The following FBXO41 variants were observed in gnomAD, a reference collection of about 807,000 sequenced individuals.
The protein encoded by FBXO41 is F-box protein 41.
A neutral mutation model predicts 81.6 loss-of-function variants in FBXO41; 33 were observed. The observed-to-expected ratio is 0.40, with a 90% CI of 0.31 to 0.54. FBXO41 has a LOEUF of 0.54. FBXO41 is among the 20% of genes least tolerant of loss of function. The probability of loss-of-function intolerance (pLI) is 0.39; values close to 1 mark genes in which losing one functional copy is unlikely to be tolerated. For synonymous variants in FBXO41, 576 were observed against 552.7 expected (o/e 1.04, Z -0.59); for missense variants, 1,107 against 1,236.0 (o/e 0.90, Z 1.56).
rs1687746922 is a variant in FBXO41, at chr2:73,254,840, T to A, written c.*4142A>T. The A allele has an allele frequency of 6.6e-6, 1 of 152,600 alleles. No individual in the cohort carries two copies. The highest frequency in any genetic ancestry group is 2.1e-4 in the South Asian group (1 of 4,830). The allele number at this position is 152,600 out of a possible 1,614,324, so 9.5% of individuals were successfully genotyped here. ...AAGTGCTGGGATGGCGATGCCTGGG[T>A]GGGGCAGAGAAGTGTGGCCAGGGAA... is the stretch of plus-strand genomic sequence containing the variant. On this transcript the variant is annotated 3_prime_UTR_variant, in exon 13 of 13. Coordinates refer to ENST00000520530, the MANE Select transcript of FBXO41 (RefSeq NM_001371389.2).
chr2:73,282,367 G>A (rs548092441), intron 1 of FBXO41, among the ~76,000 whole-genome samples: 3 of 152,296 alleles, frequency 2.0e-5, no homozygotes, highest in South Asian at 2.1e-4. Context: ...GGAATTCAAA[G>A]GCAGGATGGT....
At position 73,257,563 on chromosome 2, in the gene FBXO41, G is replaced by A. The variant is rs1203308098; in HGVS notation, c.*1419C>T. The A allele has an allele frequency of 2.6e-5, 4 of 152,198 alleles. No individual in the cohort carries two copies. The highest frequency in any genetic ancestry group is 5.9e-5 in the Non-Finnish European group (4 of 68,040). 9.4% of individuals were successfully genotyped at this position (152,198 alleles called of 1,614,324 possible). A position where few individuals can be genotyped will look rare whatever the true frequency, so the allele number is the denominator to read the frequency against. On this transcript the variant is annotated 3_prime_UTR_variant, in exon 13 of 13. Transcript: ENST00000520530. The surrounding 1 kb of genome is among the most constrained non-coding windows in gnomAD (Gnocchi z 4.6). ...TAGGGCTGGGAGCTGATCCTATCTA[G>A]GAGAGAAAGAAACCCTAAGATAGAT...
rs200871330 is a variant in FBXO41 at position 73,265,458 on chromosome 2, C to T, written c.1388G>A (p.Arg463Gln). 163 of 1,605,784 alleles carry T rather than the reference C, an allele frequency of 1.0e-4. No homozygotes were observed. The highest frequency in any genetic ancestry group is 8.3e-4 in the Middle Eastern group (5 of 6,048). Reference protein sequence around the residue: ...RSQPPRSSGLRRQAIQNWQRR... With the variant: ...RSQPPRSSGLQRQAIQNWQRR... ...CTGCCAGTTCTGGATGGCCTGGCGC[C>T]GCAGGCCTGAGCTGCGAGGGGGCTG... The change falls in exon 5 of 13, where the codon CGG becomes CAG. Residue 463 changes from arginine (R) to glutamine (Q), a missense_variant. Around this residue, in one of 2 missense-constraint regions of FBXO41, gnomAD observed 771 missense variants for 789.2 expected, o/e 0.98. Coordinates refer to ENST00000520530, the MANE Select transcript of FBXO41 (RefSeq NM_001371389.2).
In FBXO41 at chr2:73,266,697, G is replaced by A. The variant is rs1205643186; in HGVS notation, c.906-15C>T. 6.4e-7 allele frequency: 1 copy of A among 1,552,566 alleles called. No homozygotes were observed. The highest frequency in any genetic ancestry group is 8.7e-7 in the Non-Finnish European group (1 of 1,148,398). The stretch of plus-strand genomic sequence containing the variant: ...GCACCACCTCCCTGGGCCCAGAGCA[G>A]TCTCTTACCCCAGAGCCTCAGCCTG... On this transcript the variant is annotated splice_polypyrimidine_tract_variant and intron_variant, in intron 2 of 12. Transcript: ENST00000520530. The surrounding 1 kb of genome is among the most constrained non-coding windows in gnomAD (Gnocchi z 5.3).
chr2:73,269,267 G>A lies in FBXO41; in HGVS notation c.364C>T (p.Leu122=). 4 of 1,531,182 alleles carry A rather than the reference G, an allele frequency of 2.6e-6. 1 individual carries two copies. In the South Asian group the frequency reaches 4.8e-5, roughly 18 times the overall value. 94.8% of individuals were successfully genotyped at this position (1,531,182 alleles called of 1,614,324 possible). ...TCACAGGGCAGGCTAGCGGGCACCA[G>A]GTCGCCGGGGAAGTGGGCGAGGGGA... is the stretch of plus-strand genomic sequence containing the variant. ...HAPLAHFPGD[L]VPASLPCEEL... Residue 122 remains leucine (L), a synonymous_variant, in exon 2 of 13, where the codon CTG becomes TTG. Coordinates refer to ENST00000520530, the MANE Select transcript of FBXO41 (RefSeq NM_001371389.2). This position sits in a 1 kb window ranked among gnomAD's most constrained non-coding sequence, Gnocchi z 7.0.
Position 73,259,047 on chromosome 2 carries a change from G to A in FBXO41, c.2566-3C>T. 1 of 1,603,910 alleles carries A rather than the reference G, an allele frequency of 6.2e-7. No homozygotes were observed. ...AAGCCGGGCCTCCGTCGCAGAGCCT[G>A]CGGACCGAACCCTGGGTTAGTTCTC... On this transcript the variant is annotated splice_polypyrimidine_tract_variant and splice_region_variant and intron_variant, in intron 12 of 12. Transcript: ENST00000520530. The surrounding 1 kb of genome is among the most constrained non-coding windows in gnomAD (Gnocchi z 4.2).
chr2:73,272,916 G>T (rs1688583085), intron 1 of FBXO41: 1 of 152,158 alleles, frequency 6.6e-6, no homozygotes, highest in Admixed American at 6.5e-5. Flanking sequence ...CCCTATGGTT[G>T]CCCTGAACCT....
rs1243582663 is a variant in FBXO41 at position 73,269,187 on chromosome 2, G to C, written c.444C>G (p.Arg148=). ...GCTCCCCCAGCGGGATCTCGATCTC[G>C]CGCAGCGCATAGCGCGCTGCTGCGG... The part of the protein sequence containing the change: ...VPAAAARYAL[R]EIEIPLGELF... Residue 148 remains arginine, a synonymous_variant, in exon 2 of 13, where the codon CGC becomes CGG. Transcript: ENST00000520530. The surrounding 1 kb of genome is among the most constrained non-coding windows in gnomAD (Gnocchi z 7.0). 6.5e-7 allele frequency: 1 copy of C among 1,528,548 alleles called. No homozygotes were observed. The highest frequency in any genetic ancestry group is 2.0e-5 in the Admixed American group (1 of 49,682). 94.7% of individuals were successfully genotyped at this position (1,528,548 alleles called of 1,614,324 possible). A position where few individuals can be genotyped will look rare whatever the true frequency, so the allele number is the denominator to read the frequency against.
chr2:73,268,410 A>AG (rs1336276066), intron 2 of FBXO41, among the ~76,000 whole-genome samples: 1 of 152,032 alleles, frequency 6.6e-6, no homozygotes, highest in Non-Finnish European at 1.5e-5. Context: ...GGAAAAGGAG[A>AG]GGGGAGAGTT....
intron 9 of FBXO41, among the ~76,000 whole-genome samples, chr2:73,262,578 G>A (rs934064341): frequency 3.3e-5 from 5 of 152,194 alleles, no homozygotes; most frequent in African/African-American, 1.2e-4. Flanking sequence ...GACCCTGCAG[G>A]CTTTGTGTAC....
At chr2:73,263,482 A>G (rs1256193219) in intron 8 of FBXO41, among the ~76,000 whole-genome samples, 174 bp from the exon 9 acceptor site, 1 of 152,114 alleles carries the variant, frequency 6.6e-6, no homozygotes, top group Non-Finnish European at 1.5e-5. Flanking sequence ...AAAGAAAGAA[A>G]AAGAAAATAT....
In FBXO41 at chr2:73,269,579, G is replaced by C. The variant is rs1688420990; in HGVS notation, c.52C>G (p.Arg18Gly). The change falls in exon 2 of 13, where the codon CGC (arginine) becomes GGC (glycine). Residue 18 changes from arginine to glycine, a missense_variant. Arg to Gly is a moderately radical substitution (Grantham distance 125, BLOSUM62 -2). Coordinates refer to ENST00000520530, the MANE Select transcript of FBXO41 (RefSeq NM_001371389.2). The surrounding 1 kb of genome is among the most constrained non-coding windows in gnomAD (Gnocchi z 7.0). ...YRCPRCGEHK[R>G]FRSLSSLRAH... is the part of the protein sequence containing the mutation. ...CGCAGCGACGACAGGCTCCGGAAGCGCTTGTGCTCCCCGCAGCGGGGGCAG... is the reference window on the plus strand; with the variant it reads ...CGCAGCGACGACAGGCTCCGGAAGCCCTTGTGCTCCCCGCAGCGGGGGCAG... The C allele has an allele frequency of 7.5e-7, 1 of 1,334,826 alleles. No individual in the cohort carries two copies. Among genetic ancestry groups the C allele is most frequent in the South Asian group, 1.6e-5 (1 of 63,254 alleles). 82.7% of individuals were successfully genotyped at this position (1,334,826 alleles called of 1,614,324 possible). A position where few individuals can be genotyped will look rare whatever the true frequency, so the allele number is the denominator to read the frequency against.
In FBXO41 at chr2:73,254,789, G is replaced by A. The variant is rs1365682149; in HGVS notation, c.*4193C>T. On this transcript the variant is annotated 3_prime_UTR_variant, in exon 13 of 13. Transcript: ENST00000520530. ...CATACACTCAGGTACATTCAGCAAA[G>A]GGCATCTTACGGGTGACATGGAGCA... 6.6e-6 allele frequency: 1 copy of A among 152,662 alleles called. No individual in the cohort carries two copies. 9.5% of individuals were successfully genotyped at this position (152,662 alleles called of 1,614,324 possible).
intron 1 of FBXO41, among the ~76,000 whole-genome samples, chr2:73,274,893 T>C (rs1688643059): frequency 6.6e-6 from 1 of 151,532 alleles, no homozygotes; most frequent in African/African-American, 2.4e-5. Flanking sequence ...TTTCTTTTTT[T>C]TTTTGGAAAC....
Position 73,256,558 on chromosome 2 carries a change from A to T in FBXO41, c.*2424T>A, listed in dbSNP as rs374122630. The T allele has an allele frequency of 1.3e-5, 2 of 152,260 alleles. No individual in the cohort carries two copies. Among genetic ancestry groups the T allele is most frequent in the African/African-American group, 4.8e-5 (2 of 41,438 alleles). The allele number at this position is 152,260 out of a possible 1,614,324, so 9.4% of individuals were successfully genotyped here. ...TTGCTGCAAAGGATTGGGCCTGCTCACACACATCCTTCACACACAGCCAGA... is the reference window on the plus strand; with the variant it reads ...TTGCTGCAAAGGATTGGGCCTGCTCTCACACATCCTTCACACACAGCCAGA... On this transcript the variant is annotated 3_prime_UTR_variant, in exon 13 of 13. Transcript: ENST00000520530.
chr2:73,268,800 G>T lies in FBXO41; in HGVS notation c.831C>A (p.Asp277Glu). The T allele has an allele frequency of 6.3e-7, 1 of 1,583,308 alleles. No individual in the cohort carries two copies. The highest frequency in any genetic ancestry group is 1.8e-5 in the Admixed American group (1 of 56,186). ...GTGAGGCCAGCAGCTCTACGCTCAC[G>T]TCCACCTGGCGGGAGAGCTCAGACG... ...ERASELSRQVDVSVELLASLK... is the reference protein window; with the variant it reads ...ERASELSRQVEVSVELLASLK... Residue 277 changes from aspartate to glutamate, a missense_variant, in exon 2 of 13, where the codon GAC becomes GAA. Physicochemically the swap from Asp to Glu is conservative, Grantham distance 45. Transcript: ENST00000520530.
chr2:73,276,108 TA>T (rs951639547), intron 1 of FBXO41, among the ~76,000 whole-genome samples: 1 of 148,370 alleles, frequency 6.7e-6, no homozygotes, highest in African/African-American at 2.5e-5. Flanking sequence ...TCTTTTTTTT[TA>T]AAAAAATGAT....
Position 73,263,973 on chromosome 2 carries a change from C to G in FBXO41, c.1887G>C (p.Lys629Asn). ...LQNLKPRQRGKKESKEEYARS... is the reference protein window; with the variant it reads ...LQNLKPRQRGNKESKEEYARS... ...GGGCATACTCCTCCTTGCTCTCCTTCTTTCCCCGCTGCCGGGGCTTCAAGT... is the reference window on the plus strand; with the variant it reads ...GGGCATACTCCTCCTTGCTCTCCTTGTTTCCCCGCTGCCGGGGCTTCAAGT... The change falls in exon 7 of 13, where the codon AAG (lysine) becomes AAC (asparagine). Residue 629 changes from lysine (K) to asparagine (N), a missense_variant. Physicochemically the swap from Lys to Asn is moderately conservative, Grantham distance 94. Around this residue, in one of 2 missense-constraint regions of FBXO41, gnomAD observed 336 missense variants for 446.7 expected, o/e 0.75. Coordinates refer to ENST00000520530, the MANE Select transcript of FBXO41 (RefSeq NM_001371389.2). 6.2e-7 allele frequency: 1 copy of G among 1,607,454 alleles called. No homozygotes were observed. The highest frequency in any genetic ancestry group is 8.5e-7 in the Non-Finnish European group (1 of 1,176,768).
chr2:73,265,235 T>G (rs537705523), intron 5 of FBXO41, 47 bp downstream of exon 5: 1 of 1,509,520 alleles, frequency 6.6e-7, no homozygotes, highest in African/African-American at 1.4e-5. Flanking sequence ...CCCAGGAGAT[T>G]CACTGCCTCA....
Sources: gnomAD v4.1 joint callset for allele counts (sites outside exome capture counted in the v4.1 genomes callset) on GRCh38, gnomAD v4.1.1 for gene constraint, gnomAD v4.1.1 regional missense constraint, Gnocchi (gnomAD v3.1) non-coding constraint, MANE v1.5 for transcripts, NCBI Gene and HGNC (gene_info 2026-07-23, HGNC 2026-07-21) for gene names.